The following ZNF160 variants were observed in gnomAD, a reference collection of about 807,000 sequenced individuals.
The protein encoded by ZNF160 is zinc finger protein 160, also known as KRAB zinc finger protein KR18.
A neutral mutation model predicts 13.1 loss-of-function variants in ZNF160; 9 were observed. That is an observed-to-expected ratio of 0.69 (90% CI 0.41 to 1.20). ZNF160 has a LOEUF of 1.20. Ranked by LOEUF, ZNF160 falls within the 50% of genes most tolerant of loss-of-function variation. The pLI is 0.01. For missense variants in ZNF160, 838 were observed against 988.0 expected (o/e 0.85, Z 2.04); for synonymous variants, 293 against 333.2 (o/e 0.88, Z 1.31).
chr19:53,098,879 T>C (rs945619068), intron 1 of ZNF160, among the ~76,000 whole-genome samples: 29 of 150,968 alleles, frequency 1.9e-4, no homozygotes, highest in Middle Eastern at 3.4e-3. Flanking sequence ...GCGGGGCTTT[T>C]CAGGCCTCAG....
At chr19:53,075,342 C>T (rs779538380) in intron 3 of ZNF160, 159 bp from the exon 4 acceptor site, 18 of 842,262 alleles carry the variant, frequency 2.1e-5, no homozygotes, top group Non-Finnish European at 2.9e-5. Flanking sequence ...GGTCTTCATC[C>T]CCCTCTCCTG....
At position 53,069,640 on chromosome 19, in the gene ZNF160, TGAAC is replaced by T; in HGVS notation, c.890_893del (p.Arg297GlnfsTer3). ...GGATGACCTGATGAATAGTTAGATT[TGAAC>T]GAACAGTAAAGGTTTTGCCGCACTC... On this transcript the variant is annotated frameshift_variant, in exon 6 of 6. Coordinates refer to ENST00000683776, the MANE Select transcript of ZNF160 (RefSeq NM_001322131.2). LOFTEE classifies it low-confidence loss of function (END_TRUNC). This position sits in a 1 kb window ranked among gnomAD's most constrained non-coding sequence, Gnocchi z 4.4. 6.2e-7 allele frequency: 1 copy of T among 1,613,910 alleles called. No homozygotes were observed. The highest frequency in any genetic ancestry group is 8.5e-7 in the Non-Finnish European group (1 of 1,179,800).
Position 53,074,201 on chromosome 19 carries a change from C to T in ZNF160, c.210G>A (p.Lys70=), listed in dbSNP as rs2084292784. 6.2e-7 allele frequency: 1 copy of T among 1,613,654 alleles called. No homozygotes were observed. Among genetic ancestry groups the T allele is most frequent in the Non-Finnish European group, 8.5e-7 (1 of 1,179,952 alleles). The stretch of plus-strand genomic sequence containing the variant: ...GTTTTCTTGCTATTTTCACACAGCT[C>T]TTCACAGTCCAGGGCTCTTTCCCTT... ...LEEGKEPWTV[K]SCVKIARKPR... is the part of the protein sequence containing the mutation. The change falls in exon 5 of 6, where the codon AAG becomes AAA. Residue 70 remains lysine (K), a synonymous_variant. Coordinates refer to ENST00000683776, the MANE Select transcript of ZNF160 (RefSeq NM_001322131.2).
intron 3 of ZNF160, among the ~76,000 whole-genome samples, chr19:53,082,698 T>C (rs749617247): frequency 5.9e-5 from 9 of 152,080 alleles, no homozygotes; most frequent in African/African-American, 9.7e-5. Flanking sequence ...AAATAATAAA[T>C]AAACAGATGT....
chr19:53,082,247 C>T (rs532378328), intron 3 of ZNF160, among the ~76,000 whole-genome samples: 58 of 152,228 alleles, frequency 3.8e-4, no homozygotes, highest in African/African-American at 1.3e-3. Flanking sequence ...CTCACGTGTA[C>T]CCCCTGAATC....
chr19:53,102,041 C>CCTTT lies in ZNF160; in HGVS notation c.-354+1220_-354+1223dup, dbSNP rs1042000511. On this transcript the variant is annotated intron_variant, in intron 1 of 5. Transcript: ENST00000683776. ...TCTCACTTTCACCTTGTCTCTCCAG[C>CCTTT]CTTTTTCCCCTTTTATCTTCCCCCT... Among the ~76,000 whole-genome samples the CCTTT allele has an allele frequency of 2.6e-5, 4 of 152,232 alleles. No homozygotes were observed. In the East Asian group the frequency reaches 7.7e-4, roughly 29 times the overall value.
Position 53,079,772 on chromosome 19 carries a change from G to A in ZNF160, c.16-4589C>T, listed in dbSNP as rs1448277010. Among the ~76,000 whole-genome samples the A allele has an allele frequency of 7.2e-5, 11 of 151,838 alleles. No homozygotes were observed. The South Asian group carries it at 1.5e-3, about 20-fold the overall frequency. On this transcript the variant is annotated intron_variant, in intron 3 of 5. Transcript: ENST00000683776. The stretch of plus-strand genomic sequence containing the variant: ...CAAGTCCTAGCCAGAGCAATCAGGC[G>A]AGAGAAACAGAAGGCATTCAAACAG...
intron 5 of ZNF160, among the ~76,000 whole-genome samples, chr19:53,072,297 T>G (rs191390644): frequency 6.6e-6 from 1 of 152,252 alleles, no homozygotes; most frequent in Non-Finnish European, 1.5e-5. Context: ...AGACAGGATT[T>G]CACCATGTTG....
chr19:53,068,792 G>C lies in ZNF160; in HGVS notation c.1742C>G (p.Ala581Gly), dbSNP rs746523319. The C allele has an allele frequency of 1.2e-6, 2 of 1,612,578 alleles. No homozygotes were observed. Among genetic ancestry groups the C allele is most frequent in the African/African-American group, 1.3e-5 (1 of 74,886 alleles). The change falls in exon 6 of 6, where the codon GCA (alanine) becomes GGA (glycine). Residue 581 changes from alanine (A) to glycine (G), a missense_variant. This residue lies in a region of ZNF160 where 400 missense variants were observed against 538.9 expected (regional missense o/e 0.74). Coordinates refer to ENST00000683776, the MANE Select transcript of ZNF160 (RefSeq NM_001322131.2). ...TCCAGTATGAACTCTCCAATGCCTT[G>C]CAAGTTGTGATGTTTGAGCGAAGAC... ...GKVFAQTSQL[A>G]RHWRVHTGEK...
At chr19:53,076,202 G>A (rs541532424) in intron 3 of ZNF160, among the ~76,000 whole-genome samples, 27 of 152,140 alleles carry the variant, frequency 1.8e-4, no homozygotes, top group African/African-American at 5.5e-4. Flanking sequence ...TATCAGTGTC[G>A]ATTTCTCAGT....
intron 3 of ZNF160, 153 bp downstream of exon 3, chr19:53,086,109 T>C (rs2084819304): frequency 7.4e-7 from 1 of 1,343,264 alleles, no homozygotes; most frequent in East Asian, 2.4e-5. Context: ...GGAGATGGAA[T>C]CTAAACGAGA....
rs74517855 is a variant in ZNF160 at position 53,079,802 on chromosome 19, A to G, written c.16-4619T>C. On this transcript the variant is annotated intron_variant, in intron 3 of 5. Coordinates refer to ENST00000683776, the MANE Select transcript of ZNF160 (RefSeq NM_001322131.2). ...AAACAGAAGGCATTCAAACAGAAAGAGGGCTGCATGCAGTAGTTTGCACCT... is the reference window on the plus strand; with the variant it reads ...AAACAGAAGGCATTCAAACAGAAAGGGGGCTGCATGCAGTAGTTTGCACCT... Among the ~76,000 whole-genome samples, 541 of 152,038 alleles carry G rather than the reference A, an allele frequency of 3.6e-3. 3 individuals carry two copies. The highest frequency in any genetic ancestry group is 0.012 in the African/African-American group (518 of 41,504).
intron 3 of ZNF160, chr19:53,075,936 T>TCCAGATA (rs2084372002): frequency 2.6e-6 from 1 of 385,396 alleles, no homozygotes; most frequent in African/African-American, 2.1e-5. Flanking sequence ...TGACCCTATA[T>TCCAGATA]CCAGATAGAC....
chr19:53,100,242 T>C (rs1303440545), intron 1 of ZNF160, among the ~76,000 whole-genome samples: 1 of 152,116 alleles, frequency 6.6e-6, no homozygotes, highest in Non-Finnish European at 1.5e-5. Context: ...CAAAAGGGAC[T>C]TGAGGGGGAC....
chr19:53,068,216 C>T lies in ZNF160; in HGVS notation c.2318G>A (p.Arg773Lys). 1 of 1,614,112 alleles carries T rather than the reference C, an allele frequency of 6.2e-7. No individual in the cohort carries two copies. Among genetic ancestry groups the T allele is most frequent in the Non-Finnish European group, 8.5e-7 (1 of 1,180,006 alleles). ...TGCCATATGGGTAGTTAGACTTGAT[C>T]TTACCCTAAAGGCTTTCCCACACTC... ...CTECGKAFRV[R>K]SSLTTHMAIH... Residue 773 changes from arginine (R) to lysine (K), a missense_variant, in exon 6 of 6, where the codon AGA becomes AAA. Arg to Lys is a conservative substitution (Grantham distance 26). Coordinates refer to ENST00000683776, the MANE Select transcript of ZNF160 (RefSeq NM_001322131.2).
intron 1 of ZNF160, among the ~76,000 whole-genome samples, chr19:53,096,899 C>T (rs2085259776): frequency 8.3e-6 from 1 of 120,904 alleles, no homozygotes; most frequent in Non-Finnish European, 1.8e-5. Context: ...AAATGTGACC[C>T]CATTAGCTCA....
At chr19:53,102,766 A>G (rs2085493539) in intron 1 of ZNF160, among the ~76,000 whole-genome samples, 1 of 151,980 alleles carries the variant, frequency 6.6e-6, no homozygotes, top group African/African-American at 2.4e-5. Context: ...ATGTTGGAGG[A>G]GTACATTTTC....
Position 53,071,874 on chromosome 19 carries a change from C to T in ZNF160, c.272-1612G>A, listed in dbSNP as rs560603182. Among the ~76,000 whole-genome samples the T allele has an allele frequency of 5.3e-5, 8 of 152,068 alleles. No homozygotes were observed. The East Asian group carries it at 1.2e-3, about 22-fold the overall frequency. On this transcript the variant is annotated intron_variant, in intron 5 of 5. Transcript: ENST00000683776. ...CATATTCATTATGTACAAATACATA[C>T]TAAAGTACAACATAATATATTATAA...
chr19:53,085,031 G>T (rs558438733), intron 3 of ZNF160: 1 of 259,284 alleles, frequency 3.9e-6, no homozygotes, highest in African/African-American at 2.3e-5. Flanking sequence ...ATGGCTCACT[G>T]CAGCCTCAAT....
Sources: allele counts gnomAD v4.1 joint callset (sites outside exome capture counted in the v4.1 genomes callset), GRCh38; gene constraint gnomAD v4.1.1; regional missense constraint gnomAD v4.1.1; non-coding constraint Gnocchi (gnomAD v3.1); transcripts MANE v1.5; gene names NCBI Gene and HGNC (gene_info 2026-07-23, HGNC 2026-07-21).